TMEM117: variants seen among roughly 807,000 people sequenced by gnomAD.
The protein encoded by TMEM117 is transmembrane protein 117.
Under a neutral mutation model 52.4 loss-of-function variants are expected in TMEM117, and 27 were observed. The observed-to-expected ratio is 0.51, with a 90% confidence interval of 0.38 to 0.71. TMEM117 has a LOEUF of 0.71. Ranked by LOEUF, TMEM117 falls within the 30% of genes least tolerant of loss-of-function variation. TMEM117 has a pLI of 0.00. For missense variants in TMEM117, 556 were observed against 630.5 expected (o/e 0.88, Z 1.26); for synonymous variants, 215 against 206.3 (o/e 1.04, Z -0.36).
intron 6 of TMEM117, among the ~76,000 whole-genome samples, chr12:44,338,752 G>T (rs951749960): frequency 2.6e-5 from 4 of 151,992 alleles, no homozygotes; most frequent in Admixed American, 2.6e-4. Flanking sequence ...TGAAATATTA[G>T]AATTATCAAT....
At chr12:44,011,643 T>C (rs1565791483) in intron 3 of TMEM117, among the ~76,000 whole-genome samples, 2 of 149,300 alleles carry the variant, frequency 1.3e-5, no homozygotes, top group Admixed American at 6.6e-5. Flanking sequence ...TAGAGTAATA[T>C]AACTATATTC....
At chr12:44,240,015 G>A (rs2138477911) in intron 5 of TMEM117, among the ~76,000 whole-genome samples, 1 of 152,176 alleles carries the variant, frequency 6.6e-6, no homozygotes, top group African/African-American at 2.4e-5. Context: ...AATAGAAAAT[G>A]CATGCAGATG....
At chr12:44,326,632 T>C (rs1012983179) in intron 6 of TMEM117, among the ~76,000 whole-genome samples, 3 of 152,226 alleles carry the variant, frequency 2.0e-5, no homozygotes, top group African/African-American at 7.2e-5. Flanking sequence ...GGGCATCAAA[T>C]CCATCTTCCA....
intron 3 of TMEM117, among the ~76,000 whole-genome samples, chr12:44,005,170 G>T (rs1946174649): frequency 1.3e-5 from 2 of 152,182 alleles, no homozygotes; most frequent in South Asian, 4.1e-4. Context: ...TTGTAAACAA[G>T]ATTAGAACGG....
intron 6 of TMEM117, among the ~76,000 whole-genome samples, chr12:44,346,766 G>A (rs1330470978): frequency 6.6e-6 from 1 of 152,026 alleles, no homozygotes; most frequent in African/African-American, 2.4e-5. Context: ...TCTGAATGTG[G>A]ATTTTAACTG....
At chr12:44,027,119 ATTATTTTATTTTATATTTTATT>A (rs1565797786) in intron 3 of TMEM117, among the ~76,000 whole-genome samples, 3 of 115,468 alleles carry the variant, frequency 2.6e-5, no homozygotes, top group Non-Finnish European at 5.2e-5. Context: ...ATTTTATCTT[ATTATTTTATTTTATATTTTATT>A]TTATTTTATT....
chr12:44,079,145 G>A (rs1426657261), intron 3 of TMEM117, among the ~76,000 whole-genome samples: 3 of 152,016 alleles, frequency 2.0e-5, no homozygotes, highest in Non-Finnish European at 4.4e-5. Flanking sequence ...TCAAGTCTTT[G>A]CTATTGTGAA....
chr12:44,013,285 C>A (rs534479897), intron 3 of TMEM117, among the ~76,000 whole-genome samples: 1 of 152,228 alleles, frequency 6.6e-6, no homozygotes, highest in South Asian at 2.1e-4. Flanking sequence ...CTGCAGCCTC[C>A]CAAAGCGCTG....
chr12:43,977,240 A>G (rs190521987), intron 3 of TMEM117, among the ~76,000 whole-genome samples: 1 of 152,272 alleles, frequency 6.6e-6, no homozygotes, highest in East Asian at 1.9e-4. Context: ...CAGCCTCCTG[A>G]GTTGTCTTCT....
chr12:43,926,437 C>T (rs1476462783), intron 2 of TMEM117, among the ~76,000 whole-genome samples: 3 of 152,070 alleles, frequency 2.0e-5, no homozygotes, highest in Non-Finnish European at 4.4e-5. Context: ...GGAATATAGT[C>T]TGAGAAAAAA....
intron 5 of TMEM117, among the ~76,000 whole-genome samples, chr12:44,293,549 T>G (rs1347517773): frequency 6.6e-6 from 1 of 152,130 alleles, no homozygotes; most frequent in African/African-American, 2.4e-5. Flanking sequence ...TATAATCTTA[T>G]ATTTTTAATT....
chr12:44,161,968 G>T (rs572103684), intron 4 of TMEM117, among the ~76,000 whole-genome samples: 1 of 152,098 alleles, frequency 6.6e-6, no homozygotes, highest in Non-Finnish European at 1.5e-5. Flanking sequence ...CAAGGTAGAG[G>T]AGTATGGTCA....
At chr12:44,034,414 A>G (rs1946680241) in intron 3 of TMEM117, among the ~76,000 whole-genome samples, 1 of 152,244 alleles carries the variant, frequency 6.6e-6, no homozygotes, top group African/African-American at 2.4e-5. Context: ...GGTATTAGAT[A>G]TAAATAATTG....
At chr12:44,217,354 C>T (rs1304547580) in intron 5 of TMEM117, among the ~76,000 whole-genome samples, 3 of 152,148 alleles carry the variant, frequency 2.0e-5, no homozygotes, top group Non-Finnish European at 4.4e-5. Context: ...CTGTGACAGT[C>T]CCCATTGATG....
chr12:43,900,285 A>G (rs1269419308), intron 2 of TMEM117, among the ~76,000 whole-genome samples: 1 of 152,204 alleles, frequency 6.6e-6, no homozygotes, highest in Non-Finnish European at 1.5e-5. Flanking sequence ...GGGGGCAGTC[A>G]TTACCCAGAG....
chr12:43,923,884 T>C (rs989015198), intron 2 of TMEM117, among the ~76,000 whole-genome samples: 1 of 152,192 alleles, frequency 6.6e-6, no homozygotes, highest in Non-Finnish European at 1.5e-5. Context: ...CAGCAGTGTT[T>C]AATTCATAGA....
intron 4 of TMEM117, among the ~76,000 whole-genome samples, chr12:44,155,113 TA>T (rs1339366059): frequency 7.2e-5 from 11 of 152,176 alleles, no homozygotes; most frequent in African/African-American, 1.7e-4. Context: ...CATTTTGAGA[TA>T]AAAAAACTCA....
At chr12:44,309,329 C>T (rs543967122) in intron 6 of TMEM117, among the ~76,000 whole-genome samples, 4 of 152,264 alleles carry the variant, frequency 2.6e-5, no homozygotes, top group South Asian at 2.1e-4. Flanking sequence ...ACTACCCCAA[C>T]GGGCAGTTTC....
chr12:44,008,313 A>G (rs1358999931), intron 3 of TMEM117, among the ~76,000 whole-genome samples: 1 of 152,208 alleles, frequency 6.6e-6, no homozygotes, highest in Non-Finnish European at 1.5e-5. Context: ...AACACCTGAT[A>G]CTGGAAGAAT....
Sources: allele counts gnomAD v4.1 joint callset (sites outside exome capture counted in the v4.1 genomes callset), GRCh38; gene constraint gnomAD v4.1.1; transcripts MANE v1.5; gene names NCBI Gene and HGNC (gene_info 2026-07-23, HGNC 2026-07-21).